The following NAV1 variants were observed in gnomAD, a reference collection of about 807,000 sequenced individuals.
NAV1 encodes neuron navigator 1.
A neutral mutation model predicts 175.2 loss-of-function variants in NAV1; 18 were observed. The observed-to-expected ratio is 0.10, with a 90% CI of 0.07 to 0.15. The LOEUF is 0.15. Among genes scored for constraint, NAV1 ranks in the 10% least tolerant of loss-of-function variants. The probability of loss-of-function intolerance (pLI) is 1.00; values close to 1 mark genes in which losing one functional copy is unlikely to be tolerated. For synonymous variants in NAV1, 897 were observed against 978.7 expected, an observed-to-expected ratio of 0.92 and a Z score of 1.56; for missense variants, 1,731 against 2,436.6, an observed-to-expected ratio of 0.71 and a Z score of 6.10.
intron 3 of NAV1, among the ~76,000 whole-genome samples, chr1:201,760,560 G>A (rs1331499986): frequency 6.6e-6 from 1 of 152,164 alleles, no homozygotes; most frequent in East Asian, 1.9e-4. Flanking sequence ...ATCCAGAGTT[G>A]TTCACTGACT....
rs555929993 is a variant in NAV1 at position 201,740,617 on chromosome 1, G to C, written c.1226+21862G>C. ...GCGGAAGGATGAAACGGGGGAGGGA[G>C]GGGACGTTGAATTTGTGACCGTACT... On this transcript the variant is annotated intron_variant, in intron 3 of 29. Transcript: ENST00000367296. The surrounding 1 kb of genome is among the most constrained non-coding windows in gnomAD (Gnocchi z 4.7). Among the ~76,000 whole-genome samples the C allele has an allele frequency of 6.6e-6, 1 of 152,252 alleles. No homozygotes were observed. The highest frequency in any genetic ancestry group is 2.4e-5 in the African/African-American group (1 of 41,550).
chr1:201,803,295 C>T (rs1317565983), intron 15 of NAV1, among the ~76,000 whole-genome samples: 1 of 152,144 alleles, frequency 6.6e-6, no homozygotes, highest in Non-Finnish European at 1.5e-5. Context: ...CTGTAGAGGG[C>T]TGGCTTTAGT....
intron 15 of NAV1, among the ~76,000 whole-genome samples, chr1:201,799,988 TATTTTTA>T (rs1353843422): frequency 2.6e-5 from 4 of 151,836 alleles, no homozygotes; most frequent in African/African-American, 9.7e-5. Flanking sequence ...TTTTATTTTT[TATTTTTA>T]TTTATTTATT....
At position 201,817,302 on chromosome 1, in the gene NAV1, C is replaced by T; in HGVS notation, c.5538+17C>T. 1 of 1,611,612 alleles carries T rather than the reference C, an allele frequency of 6.2e-7. No homozygotes were observed. On this transcript the variant is annotated intron_variant, in intron 29 of 29. Coordinates refer to ENST00000367296, the Ensembl canonical transcript of NAV1. ...GATCCTCTGGTGAGTAGAAGCCATT[C>T]TAGAGTAAAAATAAGACTATTATAG...
At chr1:201,729,814 G>A (rs1014125140) in intron 3 of NAV1, among the ~76,000 whole-genome samples, 2 of 152,212 alleles carry the variant, frequency 1.3e-5, no homozygotes, top group African/African-American at 4.8e-5. Flanking sequence ...GCTGAGGCAG[G>A]AGAATGGCGT....
chr1:201,656,693 A>T (rs1459002915), intron 1 of NAV1, among the ~76,000 whole-genome samples: 3 of 152,248 alleles, frequency 2.0e-5, no homozygotes, highest in African/African-American at 7.2e-5. Context: ...GGATCAGTGC[A>T]TGTAAACAAA....
chr1:201,608,793 C>T (rs1667765346), intron 2 of NAV1, among the ~76,000 whole-genome samples: 1 of 152,206 alleles, frequency 6.6e-6, no homozygotes, highest in South Asian at 2.1e-4. Context: ...GACCTGGCCT[C>T]TCCCTCCGTG....
chr1:201,649,413 A>G, exon 1 of NAV1: 2 of 1,562,160 alleles, frequency 1.3e-6, no homozygotes, highest in South Asian at 1.2e-5. Context: ...GCTGCTCTTC[A>G]GCCAGATGCT....
At chr1:201,682,189 G>A (rs899238723) in intron 1 of NAV1, among the ~76,000 whole-genome samples, 4 of 151,838 alleles carry the variant, frequency 2.6e-5, no homozygotes, top group African/African-American at 9.7e-5. Flanking sequence ...GGGAGGCTGA[G>A]GCACAAGAAT....
intron 1 of NAV1, among the ~76,000 whole-genome samples, chr1:201,573,098 T>G (rs1157724157): frequency 6.6e-6 from 1 of 152,186 alleles, no homozygotes; most frequent in African/African-American, 2.4e-5. Flanking sequence ...GGCCTGACAA[T>G]GTTCATTTGT....
rs1199857511 is a variant in NAV1, at chr1:201,815,787, G to T, written c.5341-1301G>T. 5.3e-5 allele frequency among the ~76,000 whole-genome samples: 8 copies of T among 152,118 alleles called. No homozygotes were observed. In the East Asian group the frequency reaches 1.6e-3, roughly 29 times the overall value. ...GAGTTTCACTCTTGTTGCCCAGGCT[G>T]GAGTGCAATGGCGGGATCTTGGCTC... On this transcript the variant is annotated intron_variant, in intron 28 of 29. Transcript: ENST00000367296.
In NAV1 at chr1:201,782,595, A is replaced by G. The variant is rs1275443262; in HGVS notation, c.2083A>G (p.Ser695Gly). 6.2e-7 allele frequency: 1 copy of G among 1,613,502 alleles called. No individual in the cohort carries two copies. The highest frequency in any genetic ancestry group is 1.7e-5 in the Admixed American group (1 of 59,992). ...CGGGCGGGGTGGACCTCGCCCTGTG[A>G]GCAGCAGCATTGACCCCAGTCTCCT... The change falls in exon 6 of 30, where the codon AGC becomes GGC. Residue 695 changes from serine (S) to glycine (G), a missense_variant. Transcript: ENST00000367296. This position sits in a 1 kb window ranked among gnomAD's most constrained non-coding sequence, Gnocchi z 5.4.
intron 1 of NAV1, among the ~76,000 whole-genome samples, chr1:201,674,712 G>A (rs1670176135): frequency 6.6e-6 from 1 of 152,020 alleles, no homozygotes; most frequent in African/African-American, 2.4e-5. Context: ...AGTTGTGGGG[G>A]TAAGTGCCAC....
chr1:201,786,343 A>C, intron 8 of NAV1, 86 bp from the exon 13 acceptor site: 1 of 1,347,600 alleles, frequency 7.4e-7, no homozygotes, highest in East Asian at 2.4e-5. Flanking sequence ...TCCTGGCTCC[A>C]GCCTAGTTCA....
exon 30 of NAV1, chr1:201,820,065 G>A (rs1679300041): frequency 1.2e-6 from 1 of 820,532 alleles, no homozygotes; most frequent in Non-Finnish European, 2.0e-6. Context: ...AGGAGGAGAT[G>A]AAAGAGGAGG....
intron 2 of NAV1, among the ~76,000 whole-genome samples, chr1:201,714,604 G>T (rs1180009329): frequency 6.6e-6 from 1 of 152,120 alleles, no homozygotes; most frequent in Non-Finnish European, 1.5e-5. Flanking sequence ...CAAGCCCCCA[G>T]CAGGAGCCCA....
intron 3 of NAV1, among the ~76,000 whole-genome samples, chr1:201,738,302 G>A (rs972322733): frequency 6.6e-6 from 1 of 152,018 alleles, no homozygotes; most frequent in African/African-American, 2.4e-5. Context: ...AAGCATATTT[G>A]GAAAACTTGG....
chr1:201,794,165 T>G (rs572824388), intron 14 of NAV1: 5 of 654,874 alleles, frequency 7.6e-6, no homozygotes, highest in South Asian at 7.5e-5. Flanking sequence ...TGTTTTCTTT[T>G]TTTGAGATGG....
At chr1:201,700,800 A>G (rs1245503973) in intron 1 of NAV1, among the ~76,000 whole-genome samples, 1 of 152,032 alleles carries the variant, frequency 6.6e-6, no homozygotes, top group Non-Finnish European at 1.5e-5. Flanking sequence ...TCACGAGGTC[A>G]GGAGATCGAG....
Sources: gnomAD v4.1 joint callset for allele counts (sites outside exome capture counted in the v4.1 genomes callset) on GRCh38, gnomAD v4.1.1 for gene constraint, Gnocchi (gnomAD v3.1) non-coding constraint, MANE v1.5 for transcripts, NCBI Gene and HGNC (gene_info 2026-07-23, HGNC 2026-07-21) for gene names.